KLRD1: variants seen among roughly 807,000 people sequenced by gnomAD.
The protein encoded by KLRD1 is natural killer cells antigen CD94.
A neutral mutation model predicts 22.6 loss-of-function variants in KLRD1; 21 were observed. The observed-to-expected ratio is 0.93, with a 90% confidence interval of 0.66 to 1.34. The LOEUF (loss-of-function observed/expected upper bound fraction) is 1.34, where lower values mean the gene tolerates loss of function less well. Among genes scored for constraint, KLRD1 ranks in the 40% most tolerant of loss-of-function variants. The pLI, the probability that KLRD1 is intolerant of heterozygous loss-of-function variation, is 0.00. For synonymous variants in KLRD1, 59 were observed against 71.1 expected, an observed-to-expected ratio of 0.83 and a Z score of 0.85; for missense variants, 183 against 208.6, an observed-to-expected ratio of 0.88 and a Z score of 0.76.
At chr12:10,306,466 T>C (rs949622440), upstream of KLRD1, among the ~76,000 whole-genome samples, 1 of 152,190 alleles carries the variant, frequency 6.6e-6, no homozygotes, top group Non-Finnish European at 1.5e-5. Context: ...GTTGTGTTAG[T>C]AATGAAAGTG....
chr12:10,244,938 A>G (rs1365587980), intron 1 of KLRD1, among the ~76,000 whole-genome samples: 1 of 152,218 alleles, frequency 6.6e-6, no homozygotes, highest in Admixed American at 6.5e-5. Context: ...GGTGTTTACT[A>G]TATGTCAGGC....
At chr12:10,271,283 CTT>C (rs1368982297) in intron 1 of KLRD1, among the ~76,000 whole-genome samples, 2 of 152,158 alleles carry the variant, frequency 1.3e-5, no homozygotes, top group Non-Finnish European at 2.9e-5. Context: ...TAAAAAGACA[CTT>C]AACTTTTTCG....
At chr12:10,311,771 T>C (rs1273690660) in intron 4 of KLRD1, 156 bp downstream of exon 4, 1 of 544,392 alleles carries the variant, frequency 1.8e-6, no homozygotes, top group Non-Finnish European at 3.1e-6. Flanking sequence ...AAGTAGTCAT[T>C]GTAAAATCTT....
At chr12:10,302,382 A>G (rs1949873627), upstream of KLRD1, among the ~76,000 whole-genome samples, 1 of 152,182 alleles carries the variant, frequency 6.6e-6, no homozygotes, top group Non-Finnish European at 1.5e-5. Flanking sequence ...GGAAGTGCTG[A>G]TGTCAGTGGC....
At chr12:10,292,083 A>T (rs1247363478) in intron 1 of KLRD1, among the ~76,000 whole-genome samples, 1 of 152,162 alleles carries the variant, frequency 6.6e-6, no homozygotes, top group East Asian at 1.9e-4. Flanking sequence ...TGCGATTGTA[A>T]ATAGTGAATG....
chr12:10,255,918 GCATTA>G (rs1949391132), intron 1 of KLRD1, among the ~76,000 whole-genome samples: 1 of 152,064 alleles, frequency 6.6e-6, no homozygotes, highest in South Asian at 2.1e-4. Flanking sequence ...TTGGACATAG[GCATTA>G]CATTCTCCAA....
In KLRD1 at chr12:10,315,051, A is replaced by G; in HGVS notation, c.*258A>G. Reference sequence around the variant, plus strand: ...AATGTATATATTTAATGTTAAATTCAATGTAGTTTTATTACACATTTATGT... The same window carrying G: ...AATGTATATATTTAATGTTAAATTCGATGTAGTTTTATTACACATTTATGT... On this transcript the variant is annotated 3_prime_UTR_variant, in exon 6 of 6. Transcript: ENST00000336164. 3.4e-6 allele frequency: 1 copy of G among 293,208 alleles called. No homozygotes were observed. The highest frequency in any genetic ancestry group is 6.3e-6 in the Non-Finnish European group (1 of 158,040). 18.2% of individuals were successfully genotyped at this position (293,208 alleles called of 1,614,324 possible). A position where few individuals can be genotyped will look rare whatever the true frequency, so the allele number is the denominator to read the frequency against.
intron 1 of KLRD1, among the ~76,000 whole-genome samples, chr12:10,277,592 A>C (rs936393440): frequency 6.6e-6 from 1 of 152,200 alleles, no homozygotes; most frequent in African/African-American, 2.4e-5. Flanking sequence ...CCTATATAAA[A>C]ATGATTTTTT....
chr12:10,279,437 A>G (rs550555996), intron 1 of KLRD1, among the ~76,000 whole-genome samples: 2 of 152,272 alleles, frequency 1.3e-5, no homozygotes, highest in South Asian at 4.1e-4. Context: ...AAATGCCTGA[A>G]TGTGTTTTCT....
intron 3 of KLRD1, among the ~76,000 whole-genome samples, chr12:10,310,312 G>T (rs1263707579): frequency 1.3e-5 from 2 of 152,108 alleles, no homozygotes; most frequent in South Asian, 2.1e-4. Flanking sequence ...TAGAGTCAGG[G>T]TTTCGCCATG....
rs1950294257 is a variant in KLRD1, at chr12:10,319,829, C to T, written c.*5036C>T. 6.6e-6 allele frequency: 1 copy of T among 151,758 alleles called. No homozygotes were observed. The highest frequency in any genetic ancestry group is 6.6e-5 in the Admixed American group (1 of 15,206). The allele number at this position is 151,758 out of a possible 1,614,324, so 9.4% of individuals were successfully genotyped here. On this transcript the variant is annotated 3_prime_UTR_variant, in exon 6 of 6. Transcript: ENST00000336164. The stretch of plus-strand genomic sequence containing the variant: ...TGCTATGCTGTTCGAGGATTCCTCA[C>T]TCTCAGAAGCTGTGTGAAATAGTAA...
At chr12:10,255,880 C>G (rs1244143670) in intron 1 of KLRD1, among the ~76,000 whole-genome samples, 1 of 151,996 alleles carries the variant, frequency 6.6e-6, no homozygotes, top group Non-Finnish European at 1.5e-5. Context: ...CCTCTACTTT[C>G]TTATTGTTCT....
intron 1 of KLRD1, among the ~76,000 whole-genome samples, chr12:10,251,901 T>A: frequency 6.6e-6 from 1 of 152,100 alleles, no homozygotes; most frequent in South Asian, 2.1e-4. Context: ...TAGGTGAAGC[T>A]TTGCTCACTC....
intron 1 of KLRD1, among the ~76,000 whole-genome samples, chr12:10,294,281 AAAAC>A (rs1324514315): frequency 6.6e-6 from 1 of 152,250 alleles, no homozygotes; most frequent in East Asian, 1.9e-4. Flanking sequence ...CATCTTAAGA[AAAAC>A]AAAAAGCAAA....
intron 1 of KLRD1, among the ~76,000 whole-genome samples, chr12:10,267,235 A>G (rs947168576): frequency 6.6e-5 from 10 of 152,164 alleles, no homozygotes; most frequent in African/African-American, 2.4e-4. Context: ...TTAAAATTGC[A>G]TAAGTGCAGA....
At chr12:10,307,472 A>G (rs1949951102), upstream of KLRD1, among the ~76,000 whole-genome samples, 1 of 152,160 alleles carries the variant, frequency 6.6e-6, no homozygotes, top group Middle Eastern at 3.2e-3. Flanking sequence ...TGTATGCCTC[A>G]GTTTTCTCTT....
Position 10,309,388 on chromosome 12 carries a change from T to A in KLRD1, c.8T>A (p.Val3Glu). The A allele has an allele frequency of 7.2e-7, 1 of 1,395,434 alleles. No homozygotes were observed. The highest frequency in any genetic ancestry group is 1.0e-6 in the Non-Finnish European group (1 of 981,534). The allele number at this position is 1,395,434 out of a possible 1,614,324, so 86.4% of individuals were successfully genotyped here. A position where few individuals can be genotyped will look rare whatever the true frequency, so the allele number is the denominator to read the frequency against. Residue 3 changes from valine to glutamate, a missense_variant and splice_region_variant, in exon 2 of 6, where the codon GTG (valine) becomes GAG (glutamate). Val to Glu is a moderately radical substitution (Grantham distance 121). Coordinates refer to ENST00000336164, the MANE Select transcript of KLRD1 (RefSeq NM_002262.5). ...TTACTCTGTCTGTCTTTCTCTACAG[T>A]GTTTAAGACCACTCTGTGGAGGTTA... is the stretch of plus-strand genomic sequence containing the variant. MAVFKTTLWRLIS... is the reference protein window; with the variant it reads MAEFKTTLWRLIS...
intron 3 of KLRD1, among the ~76,000 whole-genome samples, chr12:10,310,820 C>T (rs947288076): frequency 1.3e-5 from 2 of 152,162 alleles, no homozygotes; most frequent in African/African-American, 4.8e-5. Context: ...AATAGTGCAA[C>T]ATCTTCAGCA....
At chr12:10,243,636 G>GAAAAAAAAAAAAAA (rs1949263487) in intron 1 of KLRD1, among the ~76,000 whole-genome samples, 1 of 124,386 alleles carries the variant, frequency 8.0e-6, no homozygotes, top group South Asian at 2.6e-4. Context: ...AAAAAAAACC[G>GAAAAAAAAAAAAAA]AAATGAAAGA....
Sources: allele counts gnomAD v4.1 joint callset (sites outside exome capture counted in the v4.1 genomes callset), GRCh38; gene constraint gnomAD v4.1.1; transcripts MANE v1.5; gene names NCBI Gene and HGNC (gene_info 2026-07-23, HGNC 2026-07-21).